The following ITGA2 variants were observed in gnomAD, a reference collection of about 807,000 sequenced individuals.
ITGA2 encodes integrin subunit alpha 2, also known as integrin alpha-2.
Under a neutral mutation model 146.3 loss-of-function variants are expected in ITGA2, and 101 were observed. The observed-to-expected ratio is 0.69, with a 90% CI of 0.59 to 0.81. The LOEUF (loss-of-function observed/expected upper bound fraction) is 0.81. Ranked by LOEUF, ITGA2 falls within the 40% of genes least tolerant of loss-of-function variation. The pLI is 0.00. For missense variants in ITGA2, 1,281 were observed against 1,402.7 expected, an observed-to-expected ratio of 0.91 and a Z score of 1.39; for synonymous variants, 477 against 487.1, an observed-to-expected ratio of 0.98 and a Z score of 0.27.
chr5:52,992,953 A>G (rs1245086984), intron 1 of ITGA2, among the ~76,000 whole-genome samples: 1 of 152,098 alleles, frequency 6.6e-6, no homozygotes, highest in African/African-American at 2.4e-5. Flanking sequence ...CCATCTATAT[A>G]CACCATTCTT....
chr5:53,083,309 C>T (rs764340325), intron 26 of ITGA2, 31 bp from the exon 27 acceptor site: 16 of 1,359,642 alleles, frequency 1.2e-5, no homozygotes, highest in Non-Finnish European at 1.6e-5. Context: ...CTAACTTGCT[C>T]TCTCTTTTAC....
In ITGA2 at chr5:53,090,880, A is replaced by C. The variant is rs1740384706; in HGVS notation, c.*281A>C. On this transcript the variant is annotated 3_prime_UTR_variant, in exon 30 of 30. Transcript: ENST00000296585. Reference sequence around the variant, plus strand: ...CTGGCTGGCCCAGAGTTTACATTCTAATTTGCATTGTGTCAGAAACATGAA... The same window carrying C: ...CTGGCTGGCCCAGAGTTTACATTCTCATTTGCATTGTGTCAGAAACATGAA... 1.7e-6 allele frequency: 1 copy of C among 589,444 alleles called. No homozygotes were observed. Among genetic ancestry groups the C allele is most frequent in the East Asian group, 2.8e-5 (1 of 36,234 alleles). The allele number at this position is 589,444 out of a possible 1,614,324, so 36.5% of individuals were successfully genotyped here.
rs949918953 is a variant in ITGA2, at chr5:53,091,959, A to C, written c.*1360A>C. On this transcript the variant is annotated 3_prime_UTR_variant, in exon 30 of 30. Coordinates refer to ENST00000296585, the MANE Select transcript of ITGA2 (RefSeq NM_002203.4). The stretch of plus-strand genomic sequence containing the variant: ...TTTCTGAAGTACTTAAACTTCCACA[A>C]GAGTGAATTTGACCTAGGCAAGTTT... 2 of 152,228 alleles carry C rather than the reference A, an allele frequency of 1.3e-5. No homozygotes were observed. Among genetic ancestry groups the C allele is most frequent in the South Asian group, 2.1e-4 (1 of 4,830 alleles). The allele number at this position is 152,228 out of a possible 1,614,324, so 9.4% of individuals were successfully genotyped here.
intron 1 of ITGA2, among the ~76,000 whole-genome samples, chr5:53,000,732 C>T (rs1741534429): frequency 6.6e-6 from 1 of 152,036 alleles, no homozygotes; most frequent in Non-Finnish European, 1.5e-5. Context: ...CCCTTCACAA[C>T]TTTTGTAAAG....
chr5:53,023,633 A>G (rs1167469755), intron 1 of ITGA2, among the ~76,000 whole-genome samples: 3 of 152,216 alleles, frequency 2.0e-5, no homozygotes, highest in African/African-American at 7.2e-5. Context: ...ATGTTGAATG[A>G]TCCATTTTTT....
Position 53,060,926 on chromosome 5 carries a change from T to G in ITGA2, c.1338T>G (p.Thr446=). The G allele has an allele frequency of 1.2e-6, 2 of 1,612,494 alleles. No homozygotes were observed. The highest frequency in any genetic ancestry group is 2.2e-5 in the South Asian group (2 of 91,066). The change falls in exon 12 of 30, where the codon ACT becomes ACG. Residue 446 remains threonine (T), a synonymous_variant. Transcript: ENST00000296585. ...GTTACTCTGTGGCTGCAATTTCTACTGGAGAAAGCACTCACTTTGTTGCTG... is the reference window on the plus strand; with the variant it reads ...GTTACTCTGTGGCTGCAATTTCTACGGGAGAAAGCACTCACTTTGTTGCTG... ...YLGYSVAAIS[T]GESTHFVAGA... is the part of the protein sequence containing the mutation.
At chr5:53,028,061 A>G (rs1240569976) in intron 2 of ITGA2, among the ~76,000 whole-genome samples, 1 of 151,938 alleles carries the variant, frequency 6.6e-6, no homozygotes, top group Non-Finnish European at 1.5e-5. Flanking sequence ...AGCCTGAGTG[A>G]CTGAGTAAGA....
At chr5:53,083,538 A>C in intron 27 of ITGA2, 85 bp downstream of exon 27, 1 of 887,214 alleles carries the variant, frequency 1.1e-6, no homozygotes, top group Non-Finnish European at 1.9e-6. Flanking sequence ...TTGACAAAAT[A>C]AGTATTCTGG....
intron 1 of ITGA2, among the ~76,000 whole-genome samples, chr5:53,025,284 T>C (rs1742885594): frequency 6.6e-6 from 1 of 152,226 alleles, no homozygotes; most frequent in South Asian, 2.1e-4. Flanking sequence ...TATTTTCTTT[T>C]GCATTTTTTT....
intron 23 of ITGA2, among the ~76,000 whole-genome samples, chr5:53,077,960 C>T (rs934735475): frequency 1.3e-5 from 2 of 152,000 alleles, no homozygotes; most frequent in Non-Finnish European, 2.9e-5. Flanking sequence ...ATCCCCTAAT[C>T]CCCCACGCAA....
intron 27 of ITGA2, among the ~76,000 whole-genome samples, chr5:53,086,602 T>C (rs1458505129): frequency 6.6e-6 from 1 of 152,222 alleles, no homozygotes; most frequent in Non-Finnish European, 1.5e-5. Context: ...AACTGTGATC[T>C]TCCCAGTTAG....
chr5:53,023,999 G>T (rs1742811942), intron 1 of ITGA2, among the ~76,000 whole-genome samples: 1 of 152,100 alleles, frequency 6.6e-6, no homozygotes, highest in Non-Finnish European at 1.5e-5. Context: ...TGGAATGAAG[G>T]GATGGTGATA....
intron 16 of ITGA2, among the ~76,000 whole-genome samples, chr5:53,067,891 A>G (rs1745216843): frequency 6.6e-6 from 1 of 151,906 alleles, no homozygotes; most frequent in Admixed American, 6.6e-5. Flanking sequence ...AAGGCCTGGC[A>G]GAGGTCCTGC....
Position 53,093,980 on chromosome 5 carries a change from G to A in ITGA2, c.*3381G>A, listed in dbSNP as rs1740573890. Reference sequence around the variant, plus strand: ...TAGTTACCTATTAAAACTGTGAAGAGTAAAACTAAAGCCAATTTATTATAG... The same window carrying A: ...TAGTTACCTATTAAAACTGTGAAGAATAAAACTAAAGCCAATTTATTATAG... On this transcript the variant is annotated 3_prime_UTR_variant, in exon 30 of 30. Coordinates refer to ENST00000296585, the MANE Select transcript of ITGA2 (RefSeq NM_002203.4). The A allele has an allele frequency of 1.6e-5, 1 of 62,790 alleles. No individual in the cohort carries two copies. Among genetic ancestry groups the A allele is most frequent in the Non-Finnish European group, 3.4e-5 (1 of 29,340 alleles). The allele number at this position is 62,790 out of a possible 1,614,324, so 3.9% of individuals were successfully genotyped here.
chr5:53,014,937 A>C (rs1742329385), intron 1 of ITGA2, among the ~76,000 whole-genome samples: 1 of 151,948 alleles, frequency 6.6e-6, no homozygotes, highest in Non-Finnish European at 1.5e-5. Flanking sequence ...GAGGTTGCTG[A>C]CAATATCCCC....
intron 3 of ITGA2, among the ~76,000 whole-genome samples, chr5:53,042,770 T>C (rs1370278986): frequency 6.6e-6 from 1 of 152,090 alleles, no homozygotes; most frequent in African/African-American, 2.4e-5. Context: ...GCTAAATGAG[T>C]GACATTTCCA....
At chr5:53,017,793 G>C (rs750730939) in intron 1 of ITGA2, among the ~76,000 whole-genome samples, 12 of 152,202 alleles carry the variant, frequency 7.9e-5, no homozygotes, top group African/African-American at 2.7e-4. Context: ...GCACTGGCAG[G>C]GGAGGAGAGA....
In ITGA2 at chr5:53,091,357, C is replaced by CATTT. The variant is rs3212652; in HGVS notation, c.*760_*761insTTAT. ...ATTTTGTTTAAAACTCAGAATATAA[C>CATTT]ATGTAAAATCCCATCTGCTAGAAGC... On this transcript the variant is annotated 3_prime_UTR_variant, in exon 30 of 30. Transcript: ENST00000296585. The CATTT allele has an allele frequency of 0.11, 16,884 of 152,376 alleles. 1,133 individuals are homozygous for CATTT. The highest frequency in any genetic ancestry group is 0.18 in the African/African-American group (7,646 of 41,466). 9.4% of individuals were successfully genotyped at this position (152,376 alleles called of 1,614,324 possible). A position where few individuals can be genotyped will look rare whatever the true frequency, so the allele number is the denominator to read the frequency against.
intron 9 of ITGA2, among the ~76,000 whole-genome samples, chr5:53,057,796 T>A (rs1319957913): frequency 1.3e-5 from 2 of 151,934 alleles, no homozygotes; most frequent in Non-Finnish European, 2.9e-5. Context: ...TAATGCCAAC[T>A]TTGAACACTA....
Sources: allele counts gnomAD v4.1 joint callset (sites outside exome capture counted in the v4.1 genomes callset), GRCh38; gene constraint gnomAD v4.1.1; transcripts MANE v1.5; gene names NCBI Gene and HGNC (gene_info 2026-07-23, HGNC 2026-07-21).